MALRD1: variants seen among roughly 807,000 people sequenced by gnomAD.
MALRD1 encodes the protein MAM and LDL-receptor class A domain-containing protein 1.
MALRD1 carries 247 observed loss-of-function variants against 242.1 expected under a neutral mutation model. The ratio of observed to expected loss-of-function variants is 1.02; its 90% CI spans 0.92 to 1.13. The LOEUF is 1.13. Among genes scored for constraint, MALRD1 ranks in the 50% most tolerant of loss-of-function variants. The pLI is 0.00. For missense variants in MALRD1, 2,989 were observed against 2,533.1 expected, an observed-to-expected ratio of 1.18 and a Z score of -3.86; for synonymous variants, 995 against 866.6, an observed-to-expected ratio of 1.15 and a Z score of -2.60.
intron 13 of MALRD1, among the ~76,000 whole-genome samples, chr10:19,171,563 TAC>T (rs1204991920): frequency 2.1e-4 from 30 of 139,646 alleles, no homozygotes; most frequent in South Asian, 2.0e-3. Flanking sequence ...TGTATATAAA[TAC>T]ACACACACAT....
At chr10:19,435,327 C>G (rs985927656) in intron 28 of MALRD1, among the ~76,000 whole-genome samples, 1 of 151,948 alleles carries the variant, frequency 6.6e-6, no homozygotes, top group Non-Finnish European at 1.5e-5. Context: ...TAGAATAGTA[C>G]ATTTGTCACA....
chr10:19,424,740 A>G (rs1159548343), intron 28 of MALRD1, among the ~76,000 whole-genome samples: 1 of 152,144 alleles, frequency 6.6e-6, no homozygotes, highest in African/African-American at 2.4e-5. Flanking sequence ...TATTTTCTTT[A>G]AAAATCACAT....
At chr10:19,103,660 G>A (rs1208605527) in intron 4 of MALRD1, among the ~76,000 whole-genome samples, 1 of 152,114 alleles carries the variant, frequency 6.6e-6, no homozygotes, top group Non-Finnish European at 1.5e-5. Context: ...CCAAAAGCAG[G>A]TAAATGCGAA....
intron 18 of MALRD1, among the ~76,000 whole-genome samples, chr10:19,252,799 TAG>T (rs1435115698): frequency 2.6e-5 from 4 of 152,024 alleles, no homozygotes; most frequent in African/African-American, 9.7e-5. Context: ...GTGTATGTGA[TAG>T]AGTCAGCCAC....
intron 26 of MALRD1, among the ~76,000 whole-genome samples, chr10:19,378,348 G>A (rs1250214083): frequency 6.6e-6 from 1 of 152,120 alleles, no homozygotes. Flanking sequence ...GGATTTGGTT[G>A]AATGAATATG....
chr10:19,446,060 C>T (rs1197512879), intron 28 of MALRD1, among the ~76,000 whole-genome samples: 5 of 152,168 alleles, frequency 3.3e-5, no homozygotes, highest in Non-Finnish European at 7.3e-5. Flanking sequence ...ATGAGTGAGG[C>T]TCTGTGGGCG....
intron 31 of MALRD1, among the ~76,000 whole-genome samples, chr10:19,530,411 A>ATTTAT (rs1305651545): frequency 5.7e-5 from 1 of 17,596 alleles, no homozygotes; most frequent in Non-Finnish European, 1.6e-4. Flanking sequence ...TTATATATTT[A>ATTTAT]TATAATAATA....
At chr10:19,484,704 A>C (rs575699928) in intron 29 of MALRD1, among the ~76,000 whole-genome samples, 1 of 152,380 alleles carries the variant, frequency 6.6e-6, no homozygotes, top group East Asian at 1.9e-4. Flanking sequence ...TTAAAAGGGA[A>C]CATTTATACA....
intron 2 of MALRD1, among the ~76,000 whole-genome samples, chr10:19,076,038 T>C (rs1037579086): frequency 6.6e-6 from 1 of 151,946 alleles, no homozygotes; most frequent in Non-Finnish European, 1.5e-5. Flanking sequence ...AATGGTATGA[T>C]TTGGGGGAAA....
intron 26 of MALRD1, among the ~76,000 whole-genome samples, chr10:19,361,102 A>C (rs1456338223): frequency 1.3e-5 from 2 of 152,120 alleles, no homozygotes; most frequent in Non-Finnish European, 2.9e-5. Context: ...GTAGTAATAA[A>C]ACTCCCAATA....
intron 8 of MALRD1, among the ~76,000 whole-genome samples, 154 bp downstream of exon 8, chr10:19,128,541 A>G (rs973928929): frequency 1.3e-5 from 2 of 152,312 alleles, no homozygotes; most frequent in East Asian, 1.9e-4. Context: ...TTAAGAAACT[A>G]GGATAGGGGA....
At chr10:19,143,156 C>G (rs965336797) in intron 10 of MALRD1, among the ~76,000 whole-genome samples, 2 of 152,124 alleles carry the variant, frequency 1.3e-5, no homozygotes, top group Non-Finnish European at 2.9e-5. Flanking sequence ...ATTTTTTAAC[C>G]AATAAAACAT....
intron 30 of MALRD1, among the ~76,000 whole-genome samples, chr10:19,492,655 G>A (rs544407267): frequency 2.0e-5 from 3 of 152,254 alleles, no homozygotes; most frequent in African/African-American, 4.8e-5. Flanking sequence ...AGTGTCCCCC[G>A]ATCCTCAGGA....
At chr10:19,048,696 A>T (rs1292160053), upstream of MALRD1, 1 of 319,810 alleles carries the variant, frequency 3.1e-6, no homozygotes, top group African/African-American at 2.1e-5. Context: ...GGCAATAATC[A>T]TCTATAGTTA....
intron 6 of MALRD1, among the ~76,000 whole-genome samples, 156 bp downstream of exon 6, chr10:19,123,749 T>C (rs1380939164): frequency 6.6e-6 from 1 of 152,176 alleles, no homozygotes; most frequent in East Asian, 1.9e-4. Flanking sequence ...TTATACTAAA[T>C]ATATCAATTT....
At chr10:19,566,561 A>G (rs1836266317) in intron 32 of MALRD1, among the ~76,000 whole-genome samples, 1 of 151,426 alleles carries the variant, frequency 6.6e-6, no homozygotes, top group Admixed American at 6.6e-5. Flanking sequence ...AAGAAAATTA[A>G]TATCCATGTG....
At chr10:19,597,649 G>A (rs941384658) in intron 34 of MALRD1, among the ~76,000 whole-genome samples, 4 of 152,286 alleles carry the variant, frequency 2.6e-5, no homozygotes, top group African/African-American at 9.6e-5. Flanking sequence ...ACATTGATGA[G>A]ACAGATGGAT....
At chr10:19,187,492 G>A (rs4748562) in intron 14 of MALRD1, among the ~76,000 whole-genome samples, 65,624 of 151,962 alleles carry the variant, frequency 0.43, 14,568 homozygotes, top group Admixed American at 0.5. Flanking sequence ...CTAAGGGATT[G>A]GGACAGGAAC....
At chr10:19,528,329 T>G (rs998838674) in intron 31 of MALRD1, among the ~76,000 whole-genome samples, 14 of 152,332 alleles carry the variant, frequency 9.2e-5, no homozygotes, top group African/African-American at 2.9e-4. Context: ...GCACAGTGAC[T>G]CAAGCCTGTA....
Sources: allele counts gnomAD v4.1 joint callset (sites outside exome capture counted in the v4.1 genomes callset), GRCh38; gene constraint gnomAD v4.1.1; transcripts MANE v1.5; gene names NCBI Gene and HGNC (gene_info 2026-07-23, HGNC 2026-07-21).